The following CTNNA2 variants were observed in gnomAD, a reference collection of about 807,000 sequenced individuals.
CTNNA2 encodes catenin alpha-2.
Under a neutral mutation model 101.0 loss-of-function variants are expected in CTNNA2, and 42 were observed. The ratio of observed to expected loss-of-function variants is 0.42; its 90% CI spans 0.32 to 0.54. The LOEUF (loss-of-function observed/expected upper bound fraction) is 0.54, where lower values mean the gene tolerates loss of function less well. CTNNA2 is among the 20% of genes least tolerant of loss of function. The pLI, the probability that CTNNA2 is intolerant of heterozygous loss-of-function variation, is 0.14. For missense variants in CTNNA2, 871 were observed against 1,223.1 expected (o/e 0.71, Z 4.29); for synonymous variants, 450 against 456.4 (o/e 0.99, Z 0.18).
At position 79,614,616 on chromosome 2, in the gene CTNNA2, T is replaced by A. The variant is rs116390587; in HGVS notation, c.-5-36936T>A. On this transcript the variant is annotated intron_variant, in intron 1 of 18. Transcript: ENST00000402739. ...TGCTCTAAGTACTACAGTGTCAAAATGTCACATGATTCAGAAAATAAAATG... is the reference window on the plus strand; with the variant it reads ...TGCTCTAAGTACTACAGTGTCAAAAAGTCACATGATTCAGAAAATAAAATG... 3.2e-3 allele frequency among the ~76,000 whole-genome samples: 489 copies of A among 152,276 alleles called. 1 individual carries two copies. The highest frequency in any genetic ancestry group is 0.011 in the African/African-American group (469 of 41,562).
intron 7 of CTNNA2, among the ~76,000 whole-genome samples, chr2:80,046,670 G>A (rs1250847251): frequency 6.6e-6 from 1 of 152,200 alleles, no homozygotes; most frequent in African/African-American, 2.4e-5. Context: ...GAGTGCCTCA[G>A]CAACCAAGGA....
At chr2:80,516,365 T>C (rs749591631) in intron 9 of CTNNA2, among the ~76,000 whole-genome samples, 3 of 152,146 alleles carry the variant, frequency 2.0e-5, no homozygotes, top group Non-Finnish European at 4.4e-5. Flanking sequence ...TTCCATGCGG[T>C]CCTTACCGTT....
At chr2:80,449,164 G>C (rs1683294824) in intron 9 of CTNNA2, among the ~76,000 whole-genome samples, 1 of 152,018 alleles carries the variant, frequency 6.6e-6, no homozygotes, top group Non-Finnish European at 1.5e-5. Context: ...GTAATCCTAG[G>C]ACTCTGAGAG....
At chr2:79,527,381 C>T (rs568878028) in intron 1 of CTNNA2, among the ~76,000 whole-genome samples, 1 of 150,770 alleles carries the variant, frequency 6.6e-6, no homozygotes, top group African/African-American at 2.4e-5. Context: ...ACCTGTAATT[C>T]CAGCACTTTG....
At chr2:80,017,374 A>G (rs573834058) in intron 7 of CTNNA2, among the ~76,000 whole-genome samples, 31 of 152,194 alleles carry the variant, frequency 2.0e-4, no homozygotes, top group African/African-American at 7.5e-4. Flanking sequence ...CTGTATATAT[A>G]TATCCTTGTT....
chr2:79,358,522 C>T (rs191834413), intron 3 of CTNNA2, among the ~76,000 whole-genome samples: 160 of 152,134 alleles, frequency 1.1e-3, no homozygotes, highest in Non-Finnish European at 1.4e-3. Flanking sequence ...AGTCAACATA[C>T]GGTTTATTTT....
chr2:79,226,242 T>C (rs1427259014), intron 2 of CTNNA2, among the ~76,000 whole-genome samples: 1 of 152,172 alleles, frequency 6.6e-6, no homozygotes, highest in African/African-American at 2.4e-5. Flanking sequence ...AAAAATAAAC[T>C]TCACTGTCCG....
rs1242813243 is a variant in CTNNA2, at chr2:80,090,627, GT to G, written c.1056+180831del. Among the ~76,000 whole-genome samples the G allele has an allele frequency of 7.9e-5, 12 of 152,190 alleles. No homozygotes were observed. In the East Asian group the frequency reaches 2.3e-3, roughly 29 times the overall value. ...CTCATCTTATGCAGTGTGCACTTGT[GT>G]GTGAATATGAGCTCAAAATTTCCAT... On this transcript the variant is annotated intron_variant, in intron 7 of 18. Coordinates refer to ENST00000402739, the MANE Select transcript of CTNNA2 (RefSeq NM_001282597.3).
intron 1 of CTNNA2, among the ~76,000 whole-genome samples, chr2:79,521,154 AT>A (rs1558695204): frequency 3.5e-5 from 3 of 85,030 alleles, no homozygotes; most frequent in Admixed American, 1.3e-4. Flanking sequence ...ATATATATAT[AT>A]ATATATATAT....
intron 8 of CTNNA2, among the ~76,000 whole-genome samples, chr2:80,402,638 A>G (rs1678657852): frequency 6.6e-6 from 1 of 151,948 alleles, no homozygotes; most frequent in South Asian, 2.1e-4. Context: ...CAAATATTAG[A>G]CAAAAGATTC....
At chr2:79,213,144 G>A (rs1674198417) in intron 2 of CTNNA2, among the ~76,000 whole-genome samples, 2 of 152,274 alleles carry the variant, frequency 1.3e-5, no homozygotes, top group South Asian at 4.1e-4. Context: ...GTGGCCAGAT[G>A]AGAAGGAGAA....
At chr2:80,469,528 C>T (rs1211929347) in intron 9 of CTNNA2, among the ~76,000 whole-genome samples, 3 of 152,182 alleles carry the variant, frequency 2.0e-5, no homozygotes, top group Non-Finnish European at 4.4e-5. Flanking sequence ...GGAGAGTAGA[C>T]ACTAGTAGCT....
At chr2:79,347,549 T>C (rs1040329807) in intron 3 of CTNNA2, among the ~76,000 whole-genome samples, 14 of 152,202 alleles carry the variant, frequency 9.2e-5, no homozygotes, top group African/African-American at 2.9e-4. Flanking sequence ...AAATCTGTAA[T>C]GCATTTAATA....
intron 9 of CTNNA2, among the ~76,000 whole-genome samples, chr2:80,438,952 A>C (rs1179532527): frequency 6.6e-6 from 1 of 152,222 alleles, no homozygotes; most frequent in Non-Finnish European, 1.5e-5. Context: ...TCCTAGCCTG[A>C]GCAGCTGCCA....
intron 7 of CTNNA2, among the ~76,000 whole-genome samples, chr2:80,352,519 T>C (rs185446390): frequency 6.2e-4 from 95 of 152,272 alleles, no homozygotes; most frequent in African/African-American, 2.2e-3. Flanking sequence ...CTAATGCCAA[T>C]TGTACTTTTA....
chr2:79,867,583 A>G (rs551547783), intron 4 of CTNNA2, among the ~76,000 whole-genome samples: 2 of 152,318 alleles, frequency 1.3e-5, no homozygotes, highest in African/African-American at 4.8e-5. Flanking sequence ...ACTTAAGTTT[A>G]CCTTTACACG....
chr2:79,888,428 C>T (rs751535788), intron 6 of CTNNA2, among the ~76,000 whole-genome samples: 24 of 152,088 alleles, frequency 1.6e-4, no homozygotes, highest in Middle Eastern at 3.2e-3. Flanking sequence ...GCTTTTCTTT[C>T]CTAAGGTTTT....
chr2:80,225,091 G>C (rs1212416476), intron 7 of CTNNA2, among the ~76,000 whole-genome samples: 1 of 152,036 alleles, frequency 6.6e-6, no homozygotes, highest in Admixed American at 6.5e-5. Context: ...ATAAATGTTT[G>C]GTTCCATGAG....
At chr2:79,514,803 G>GT (rs1671721480) in intron 1 of CTNNA2, 2 of 152,204 alleles carry the variant, frequency 1.3e-5, no homozygotes, top group Non-Finnish European at 2.9e-5. Flanking sequence ...TGTGTTTTGT[G>GT]TTTAAGGAGT....
Sources: allele counts gnomAD v4.1 joint callset (sites outside exome capture counted in the v4.1 genomes callset), GRCh38; gene constraint gnomAD v4.1.1; transcripts MANE v1.5; gene names NCBI Gene and HGNC (gene_info 2026-07-23, HGNC 2026-07-21).